The following RBL2 variants were observed in gnomAD, a reference collection of about 807,000 sequenced individuals.
The protein encoded by RBL2 is RB transcriptional corepressor like 2, also known as retinoblastoma-like protein 2.
A neutral mutation model predicts 126.0 loss-of-function variants in RBL2; 56 were observed. The ratio of observed to expected loss-of-function variants is 0.44; its 90% confidence interval spans 0.36 to 0.56. RBL2 has a LOEUF of 0.56. RBL2 is among the 20% of genes least tolerant of loss of function. RBL2 has a pLI of 0.00. For synonymous variants in RBL2, 454 were observed against 478.5 expected, an observed-to-expected ratio of 0.95 and a Z score of 0.67; for missense variants, 1,229 against 1,398.2, an observed-to-expected ratio of 0.88 and a Z score of 1.93.
chr16:53,467,316 G>T lies in RBL2; in HGVS notation c.1975+147G>T, dbSNP rs1389072900. ...ACCACATGGATCACTTAAAAGAAGG[G>T]CCTTTAAAGACTAAGAACACAGGAA... On this transcript the variant is annotated intron_variant, in intron 14 of 21. Transcript: ENST00000262133. 6 of 626,244 alleles carry T rather than the reference G, an allele frequency of 9.6e-6. No homozygotes were observed. In the Admixed American group the frequency reaches 1.7e-4, roughly 17 times the overall value. 38.8% of individuals were successfully genotyped at this position (626,244 alleles called of 1,614,324 possible). A position where few individuals can be genotyped will look rare whatever the true frequency, so the allele number is the denominator to read the frequency against.
chr16:53,465,471 C>A lies in RBL2; in HGVS notation c.1732C>A (p.Leu578Ile). The part of the protein sequence containing the change: ...IEVFIRAEDG[L>I]CREVVKHLNQ... ...AGTATTCATTAGAGCAGAAGATGGC[C>A]TTTGTAGAGAGGTGGTAAAACACCT... Residue 578 changes from leucine to isoleucine, a missense_variant, in exon 13 of 22, where the codon CTT becomes ATT. By Grantham distance (5) the Leu-to-Ile change is conservative. Coordinates refer to ENST00000262133, the MANE Select transcript of RBL2 (RefSeq NM_005611.4). 6.4e-7 allele frequency: 1 copy of A among 1,565,552 alleles called. No homozygotes were observed. The highest frequency in any genetic ancestry group is 1.2e-5 in the South Asian group (1 of 81,560).
At chr16:53,483,183 ACT>A (rs1250314145) in intron 21 of RBL2, among the ~76,000 whole-genome samples, 3 of 151,952 alleles carry the variant, frequency 2.0e-5, no homozygotes, top group African/African-American at 7.3e-5. Flanking sequence ...AGTGAAAGCA[ACT>A]CTTAGACATT....
chr16:53,459,597 G>C lies in RBL2; in HGVS notation c.1326G>C (p.Glu442Asp). Reference sequence around the variant, plus strand: ...CAGGCCTCAGGAATGCACCAAGTGAGAAACTGGAACAGATTCTCAGGTTAG... The same window carrying C: ...CAGGCCTCAGGAATGCACCAAGTGACAAACTGGAACAGATTCTCAGGTTAG... The part of the protein sequence containing the change: ...MLTGLRNAPS[E>D]KLEQILRTCS... Residue 442 changes from glutamate (E) to aspartate (D), a missense_variant, in exon 9 of 22, where the codon GAG becomes GAC. Physicochemically the swap from Glu to Asp is conservative, Grantham distance 45. This residue lies in a region of RBL2 where 1,070 missense variants were observed against 1,274.3 expected (regional missense o/e 0.84). Transcript: ENST00000262133. The C allele has an allele frequency of 6.4e-7, 1 of 1,563,004 alleles. No individual in the cohort carries two copies.
chr16:53,445,330 A>G (rs1434940567), intron 3 of RBL2, among the ~76,000 whole-genome samples: 2 of 150,620 alleles, frequency 1.3e-5, no homozygotes, highest in Middle Eastern at 3.4e-3. Flanking sequence ...TTGTCTCAAA[A>G]AAAAAAAAAA....
rs2057938540 is a variant in RBL2, at chr16:53,434,732, A to ACGAGGCGACGCGGGC, written c.183_184insACGCGGGCCGAGGCG (p.Ala61_Ala62insThrArgAlaGluAla). Reference sequence around the variant, plus strand: ...GAGCTGTGCAGCCGCCTCAACATGGACGAGGCGGCGCGGGCCGAGGCCTGG... The same window carrying ACGAGGCGACGCGGGC: ...GAGCTGTGCAGCCGCCTCAACATGGACGAGGCGACGCGGGCCGAGGCGGCGCGGGCCGAGGCCTGG... On this transcript the variant is annotated inframe_insertion, in exon 1 of 22. Coordinates refer to ENST00000262133, the MANE Select transcript of RBL2 (RefSeq NM_005611.4). The ACGAGGCGACGCGGGC allele has an allele frequency of 6.5e-7, 1 of 1,549,164 alleles. No individual in the cohort carries two copies.
At chr16:53,470,977 T>C (rs1045641497) in intron 17 of RBL2, 55 bp downstream of exon 17, 2 of 1,499,754 alleles carry the variant, frequency 1.3e-6, no homozygotes, top group African/African-American at 1.4e-5. Context: ...ACTGAGAACA[T>C]TTTTTAACCA....
intron 17 of RBL2, among the ~76,000 whole-genome samples, chr16:53,474,670 TTTG>T (rs1243174797): frequency 6.6e-6 from 1 of 152,192 alleles, no homozygotes; most frequent in African/African-American, 2.4e-5. Context: ...TGTTGAGGAA[TTTG>T]TTTTCAGTTA....
chr16:53,436,254 A>G (rs756554505), intron 1 of RBL2, among the ~76,000 whole-genome samples: 47 of 152,218 alleles, frequency 3.1e-4, no homozygotes, highest in African/African-American at 2.4e-4. Context: ...TGTAAATCAG[A>G]TAGAACAAGC....
At chr16:53,469,692 C>A (rs1041108114) in intron 14 of RBL2, among the ~76,000 whole-genome samples, 1 of 152,112 alleles carries the variant, frequency 6.6e-6, no homozygotes, top group African/African-American at 2.4e-5. Context: ...CACTGCAAGA[C>A]AAAAAATTCC....
intron 3 of RBL2, 40 bp downstream of exon 3, chr16:53,442,898 C>G: frequency 6.8e-7 from 1 of 1,467,796 alleles, no homozygotes. Flanking sequence ...ACACGTTAGT[C>G]TGTGCTGCAG....
chr16:53,470,008 T>C lies in RBL2; in HGVS notation c.2068T>C (p.Ser690Pro), dbSNP rs764039771. The stretch of plus-strand genomic sequence containing the variant: ...GCTATTTGTTGAGAATGATAGCCCC[T>C]CTGATGGAGGGACGCCTGGGCGCAT... ...RRLFVENDSP[S>P]DGGTPGRMPP... Residue 690 changes from serine to proline, a missense_variant, in exon 15 of 22, where the codon TCT becomes CCT. Ser to Pro is a moderately conservative substitution (Grantham distance 74). Transcript: ENST00000262133. 7 of 1,614,166 alleles carry C rather than the reference T, an allele frequency of 4.3e-6. No individual in the cohort carries two copies. Among genetic ancestry groups the C allele is most frequent in the Admixed American group, 1.7e-5 (1 of 60,028 alleles).
intron 17 of RBL2, among the ~76,000 whole-genome samples, chr16:53,475,996 T>A (rs1247441815): frequency 6.6e-6 from 1 of 151,756 alleles, no homozygotes; most frequent in African/African-American, 2.4e-5. Flanking sequence ...CATGCCCTGC[T>A]AATTTTTTGT....
chr16:53,464,094 G>A, intron 11 of RBL2, 132 bp from the exon 12 acceptor site: 1 of 633,072 alleles, frequency 1.6e-6, no homozygotes. Flanking sequence ...GGTTTTGTAA[G>A]AAAATAAGGA....
In RBL2 at chr16:53,467,971, A is replaced by C. The variant is rs144196482; in HGVS notation, c.1975+802A>C. On this transcript the variant is annotated intron_variant, in intron 14 of 21. Transcript: ENST00000262133. ...TTTGTTGAGCTGTGCTACCCTAGTTAATGTGACATTAGTGCTGGCCCAAGA... is the reference window on the plus strand; with the variant it reads ...TTTGTTGAGCTGTGCTACCCTAGTTCATGTGACATTAGTGCTGGCCCAAGA... 4.5e-3 allele frequency among the ~76,000 whole-genome samples: 692 copies of C among 152,326 alleles called. 3 individuals carry two copies. The highest frequency in any genetic ancestry group is 0.016 in the African/African-American group (671 of 41,572).
chr16:53,485,858 AAAAC>A (rs1436852024), intron 21 of RBL2, among the ~76,000 whole-genome samples: 1 of 132,950 alleles, frequency 7.5e-6, no homozygotes, highest in Non-Finnish European at 1.7e-5. Context: ...CATCTAAAAA[AAAAC>A]AAAAACAAAA....
At chr16:53,489,197 G>A (rs1205418677) in intron 21 of RBL2, 1 of 152,058 alleles carries the variant, frequency 6.6e-6, no homozygotes, top group Admixed American at 6.5e-5. Context: ...AATATGTCTG[G>A]GATTTGTTTT....
At chr16:53,450,942 A>G (rs1323932053) in intron 4 of RBL2, among the ~76,000 whole-genome samples, 1 of 149,162 alleles carries the variant, frequency 6.7e-6, no homozygotes, top group Non-Finnish European at 1.5e-5. Context: ...CTCCATCTCA[A>G]AAAAAAAAAA....
intron 17 of RBL2, among the ~76,000 whole-genome samples, chr16:53,478,545 CTTT>C (rs71143989): frequency 7.8e-5 from 10 of 128,782 alleles, no homozygotes; most frequent in Non-Finnish European, 9.6e-5. Flanking sequence ...TTTGCTAATC[CTTT>C]TTTTTTTTTT....
chr16:53,479,755 C>T (rs2150824023), intron 18 of RBL2, 131 bp from the exon 19 acceptor site: 2 of 614,890 alleles, frequency 3.3e-6, no homozygotes, highest in East Asian at 5.7e-5. Flanking sequence ...TTATGTTTCT[C>T]AACCTGTTCT....
Sources: allele counts gnomAD v4.1 joint callset (sites outside exome capture counted in the v4.1 genomes callset), GRCh38; gene constraint gnomAD v4.1.1; regional missense constraint gnomAD v4.1.1; transcripts MANE v1.5; gene names NCBI Gene and HGNC (gene_info 2026-07-23, HGNC 2026-07-21).